The following NRXN1 variants were observed in gnomAD, a reference collection of about 807,000 sequenced individuals.
NRXN1 encodes neurexin 1, also known as neurexin-1.
NRXN1 carries 39 observed loss-of-function variants against 150.9 expected under a neutral mutation model. The observed-to-expected ratio is 0.26, with a 90% CI of 0.20 to 0.34. The LOEUF (loss-of-function observed/expected upper bound fraction) is 0.34, where lower values mean the gene tolerates loss of function less well. Ranked by LOEUF, NRXN1 falls within the 10% of genes least tolerant of loss-of-function variation. The pLI is 1.00. For missense variants in NRXN1, 1,815 were observed against 1,949.9 expected (o/e 0.93, Z 1.30); for synonymous variants, 924 against 757.0 (o/e 1.22, Z -3.62).
At chr2:50,075,885 G>A (rs903901471) in intron 19 of NRXN1, among the ~76,000 whole-genome samples, 2 of 151,866 alleles carry the variant, frequency 1.3e-5, no homozygotes, top group Admixed American at 6.6e-5. Context: ...TTTCAGCCTC[G>A]ACTCATCCCC....
intron 17 of NRXN1, among the ~76,000 whole-genome samples, chr2:50,307,330 G>A (rs1355015486): frequency 1.3e-5 from 2 of 152,082 alleles, no homozygotes; most frequent in African/African-American, 4.8e-5. Flanking sequence ...TATTTTGAAA[G>A]CTTAGAGACA....
chr2:50,829,620 C>G (rs1431356666), intron 5 of NRXN1: 2 of 1,611,844 alleles, frequency 1.2e-6, no homozygotes, highest in Non-Finnish European at 1.7e-6. Context: ...TTTCACTTTA[C>G]TACTGGGGAT....
At chr2:50,836,346 C>T (rs1050047156) in intron 5 of NRXN1, among the ~76,000 whole-genome samples, 1 of 152,050 alleles carries the variant, frequency 6.6e-6, no homozygotes, top group African/African-American at 2.4e-5. Flanking sequence ...AAATCTACCC[C>T]CTTAGCAATT....
intron 17 of NRXN1, among the ~76,000 whole-genome samples, chr2:50,257,172 C>G (rs1368781694): frequency 2.0e-5 from 3 of 151,946 alleles, no homozygotes; most frequent in African/African-American, 7.2e-5. Flanking sequence ...TGTCCATGGT[C>G]ACAAAGTAAT....
At chr2:50,516,463 T>C (rs759519755) in intron 12 of NRXN1, among the ~76,000 whole-genome samples, 1 of 152,170 alleles carries the variant, frequency 6.6e-6, no homozygotes, top group Non-Finnish European at 1.5e-5. Flanking sequence ...TTCATTTATC[T>C]ATGTGAGAAG....
chr2:50,346,516 C>T lies in NRXN1; in HGVS notation c.3365-109546G>A, dbSNP rs555532184. Among the ~76,000 whole-genome samples the T allele has an allele frequency of 1.6e-4, 25 of 152,192 alleles. No homozygotes were observed. Among genetic ancestry groups the T allele is most frequent in the African/African-American group, 5.8e-4 (24 of 41,558 alleles). ...CCACCAACACCCGCGACGCCTTCCC[C>T]CATCCCCTTTCTATTGTCTTCAAAG... On this transcript the variant is annotated intron_variant, in intron 17 of 22. Transcript: ENST00000401669. The surrounding 1 kb of genome is among the most constrained non-coding windows in gnomAD (Gnocchi z 5.0).
chr2:50,202,136 C>T (rs934540937), intron 18 of NRXN1, among the ~76,000 whole-genome samples: 5 of 152,114 alleles, frequency 3.3e-5, no homozygotes, highest in Non-Finnish European at 7.3e-5. Context: ...CCATAATGGA[C>T]ACCACAAACA....
chr2:50,866,944 G>A (rs891819889), intron 5 of NRXN1, among the ~76,000 whole-genome samples: 5 of 151,704 alleles, frequency 3.3e-5, no homozygotes, highest in African/African-American at 4.8e-5. Context: ...TCGAGAACAG[G>A]GTCTGTTTCC....
At chr2:50,693,375 C>T (rs866685250) in intron 5 of NRXN1, among the ~76,000 whole-genome samples, 6 of 152,072 alleles carry the variant, frequency 3.9e-5, no homozygotes, top group Admixed American at 3.9e-4. Flanking sequence ...CAGTAAGAGT[C>T]GGATGTTAAA....
At chr2:50,175,505 G>A (rs1574326382) in intron 18 of NRXN1, among the ~76,000 whole-genome samples, 2 of 151,882 alleles carry the variant, frequency 1.3e-5, no homozygotes, top group East Asian at 3.9e-4. Flanking sequence ...ATCTCATTTG[G>A]TTTCCAATTT....
intron 17 of NRXN1, among the ~76,000 whole-genome samples, chr2:50,391,501 A>G (rs2081697084): frequency 6.6e-6 from 1 of 152,154 alleles, no homozygotes; most frequent in African/African-American, 2.4e-5. Flanking sequence ...AATAAAAGCA[A>G]CCCTCTTAAA....
chr2:50,201,677 A>C (rs1393667229), intron 18 of NRXN1, among the ~76,000 whole-genome samples: 1 of 152,218 alleles, frequency 6.6e-6, no homozygotes, highest in East Asian at 1.9e-4. Flanking sequence ...TAAATGGCTT[A>C]AAACAACCAT....
intron 8 of NRXN1, among the ~76,000 whole-genome samples, chr2:50,581,688 T>C (rs1208580016): frequency 1.3e-5 from 2 of 152,186 alleles, no homozygotes; most frequent in Non-Finnish European, 2.9e-5. Context: ...AGAATGGTAC[T>C]AGCAAGAGTC....
chr2:50,425,569 C>T (rs1428778705), intron 17 of NRXN1, among the ~76,000 whole-genome samples: 1 of 152,006 alleles, frequency 6.6e-6, no homozygotes, highest in Non-Finnish European at 1.5e-5. Context: ...CAACATGAGC[C>T]CATAATTATG....
chr2:50,501,400 A>AGTGTGTGTGTGTGTGTGTGTGTGT (rs368765670), intron 13 of NRXN1, among the ~76,000 whole-genome samples: 18 of 148,180 alleles, frequency 1.2e-4, no homozygotes, highest in African/African-American at 4.2e-4. Flanking sequence ...TGTGTGTGTG[A>AGTGTGTGTGTGTGTGTGTGTGTGT]GTGTGTGTGT....
intron 18 of NRXN1, among the ~76,000 whole-genome samples, chr2:50,219,980 A>G (rs1559116063): frequency 2.1e-5 from 1 of 47,884 alleles, no homozygotes; most frequent in East Asian, 3.6e-4. Flanking sequence ...TATATAATAT[A>G]TATATTATAT....
intron 17 of NRXN1, among the ~76,000 whole-genome samples, chr2:50,333,919 A>T (rs1027638025): frequency 3.3e-5 from 5 of 152,054 alleles, no homozygotes; most frequent in Non-Finnish European, 7.3e-5. Flanking sequence ...GTAAAAACAG[A>T]AAGTCAACTC....
At chr2:50,707,090 G>C (rs2105010604) in intron 5 of NRXN1, among the ~76,000 whole-genome samples, 1 of 152,146 alleles carries the variant, frequency 6.6e-6, no homozygotes, top group African/African-American at 2.4e-5. Flanking sequence ...TCACCTTATT[G>C]TCTGAATATT....
chr2:50,015,618 C>G (rs1376915830), intron 21 of NRXN1, among the ~76,000 whole-genome samples: 4 of 148,102 alleles, frequency 2.7e-5, no homozygotes, highest in African/African-American at 1.0e-4. Context: ...AATATTATGA[C>G]AGGTCCTTTT....
Sources: allele counts gnomAD v4.1 joint callset (sites outside exome capture counted in the v4.1 genomes callset), GRCh38; gene constraint gnomAD v4.1.1; non-coding constraint Gnocchi (gnomAD v3.1); transcripts MANE v1.5; gene names NCBI Gene and HGNC (gene_info 2026-07-23, HGNC 2026-07-21).